Variants in MICU2 observed in about 807,000 individuals in gnomAD.
MICU2 encodes calcium uptake protein 2, mitochondrial.
A neutral mutation model predicts 60.4 loss-of-function variants in MICU2; 64 were observed. That is an observed-to-expected ratio of 1.06 (90% CI 0.87 to 1.31). The LOEUF (loss-of-function observed/expected upper bound fraction) is 1.31, where lower values mean the gene tolerates loss of function less well. Ranked by LOEUF, MICU2 falls within the 50% of genes most tolerant of loss-of-function variation. MICU2 has a pLI of 0.00. For synonymous variants in MICU2, 201 were observed against 175.0 expected (o/e 1.15, Z -1.17); for missense variants, 569 against 531.0 (o/e 1.07, Z -0.70).
Position 21,550,482 on chromosome 13 carries a change from G to A in MICU2, c.359-10794C>T, listed in dbSNP as rs1424962475. Among the ~76,000 whole-genome samples, 7 of 152,162 alleles carry A rather than the reference G, an allele frequency of 4.6e-5. No homozygotes were observed. The East Asian group carries it at 1.4e-3, about 29-fold the overall frequency. On this transcript the variant is annotated intron_variant, in intron 2 of 11. Transcript: ENST00000382374. ...GAACCCAGGAGGTTGAGGCTGCAGG[G>A]AGCTATGATCGCACCACTGCACCCC... is the stretch of plus-strand genomic sequence containing the variant.
intron 7 of MICU2, among the ~76,000 whole-genome samples, chr13:21,511,310 G>A (rs1886422581): frequency 1.3e-5 from 2 of 152,138 alleles, no homozygotes; most frequent in South Asian, 4.1e-4. Context: ...AGCAGAGAGG[G>A]TCTGGATAGA....
At position 21,577,514 on chromosome 13, in the gene MICU2, T is replaced by A. The variant is rs1323719634; in HGVS notation, c.211-10570A>T. ...TACAAAAATTTAACAAATAAAAAAATTACCCAGATGAGGCTGGGCGTGGTG... is the reference window on the plus strand; with the variant it reads ...TACAAAAATTTAACAAATAAAAAAAATACCCAGATGAGGCTGGGCGTGGTG... On this transcript the variant is annotated intron_variant, in intron 1 of 11. Coordinates refer to ENST00000382374, the MANE Select transcript of MICU2 (RefSeq NM_152726.3). Among the ~76,000 whole-genome samples, 3 of 151,562 alleles carry A rather than the reference T, an allele frequency of 2.0e-5. No homozygotes were observed. In the East Asian group the frequency reaches 5.8e-4, roughly 29 times the overall value.
chr13:21,586,512 A>C (rs1020793723), intron 1 of MICU2, among the ~76,000 whole-genome samples: 2 of 151,988 alleles, frequency 1.3e-5, no homozygotes, highest in Non-Finnish European at 2.9e-5. Flanking sequence ...GGCTCAAGAG[A>C]TCCTTCCACG....
intron 1 of MICU2, among the ~76,000 whole-genome samples, chr13:21,579,481 C>T (rs1888298010): frequency 6.6e-6 from 1 of 151,984 alleles, no homozygotes; most frequent in African/African-American, 2.4e-5. Context: ...GCTGGGATTA[C>T]AGGCTCCCGC....
At chr13:21,568,692 C>A (rs965136072) in intron 1 of MICU2, among the ~76,000 whole-genome samples, 7 of 152,116 alleles carry the variant, frequency 4.6e-5, no homozygotes, top group Non-Finnish European at 1.0e-4. Context: ...CAAGATAGGC[C>A]ATTAACTCTA....
intron 1 of MICU2, among the ~76,000 whole-genome samples, chr13:21,573,972 C>A (rs1888170545): frequency 6.6e-6 from 1 of 152,162 alleles, no homozygotes; most frequent in Non-Finnish European, 1.5e-5. Flanking sequence ...TTAATCTTAA[C>A]CTTCATTTGA....
At chr13:21,495,407 C>T in intron 10 of MICU2, 89 bp from the exon 11 acceptor site, 1 of 1,281,404 alleles carries the variant, frequency 7.8e-7, no homozygotes, top group Non-Finnish European at 1.0e-6. Flanking sequence ...GAAGTAAAAG[C>T]AAATCCAAAT....
chr13:21,537,212 C>T (rs1245731195), intron 4 of MICU2, among the ~76,000 whole-genome samples: 1 of 152,160 alleles, frequency 6.6e-6, no homozygotes, highest in African/African-American at 2.4e-5. Context: ...ACCTCTCTTG[C>T]TCCTAACACT....
chr13:21,539,469 C>CT (rs1441666293), intron 3 of MICU2, 92 bp from the exon 4 acceptor site: 4 of 1,369,406 alleles, frequency 2.9e-6, no homozygotes, highest in Middle Eastern at 2.0e-4. Flanking sequence ...CGGCTAATTT[C>CT]TTTTTGTATT....
chr13:21,601,913 G>A (rs1888825692), intron 1 of MICU2, among the ~76,000 whole-genome samples: 1 of 151,730 alleles, frequency 6.6e-6, no homozygotes, highest in South Asian at 2.1e-4. Flanking sequence ...AGACCATCCT[G>A]GCCAACATGG....
chr13:21,585,465 A>G (rs1257696946), intron 1 of MICU2, among the ~76,000 whole-genome samples: 8 of 152,216 alleles, frequency 5.3e-5, no homozygotes, highest in African/African-American at 1.7e-4. Context: ...CACTGCACAC[A>G]AATATACTAG....
chr13:21,553,340 G>C (rs1475447637), intron 2 of MICU2, among the ~76,000 whole-genome samples: 1 of 152,062 alleles, frequency 6.6e-6, no homozygotes, highest in East Asian at 1.9e-4. Context: ...GAGACGATGG[G>C]GTTTTCCAGA....
intron 1 of MICU2, among the ~76,000 whole-genome samples, chr13:21,602,481 C>T (rs1158200408): frequency 6.6e-6 from 1 of 151,988 alleles, no homozygotes; most frequent in Non-Finnish European, 1.5e-5. Context: ...GAGATAGCGC[C>T]ACTGCAGTCC....
At position 21,547,506 on chromosome 13, in the gene MICU2, G is replaced by A. The variant is rs192184250; in HGVS notation, c.359-7818C>T. 7.8e-4 allele frequency among the ~76,000 whole-genome samples: 119 copies of A among 152,152 alleles called. 1 individual carries two copies. Among genetic ancestry groups the A allele is most frequent in the South Asian group, 1.9e-3 (9 of 4,822 alleles). ...ACACTATATCATGAATTCTATTAATGTAATAATAGTATGTTTTATTCACCA... is the reference window on the plus strand; with the variant it reads ...ACACTATATCATGAATTCTATTAATATAATAATAGTATGTTTTATTCACCA... On this transcript the variant is annotated intron_variant, in intron 2 of 11. Coordinates refer to ENST00000382374, the MANE Select transcript of MICU2 (RefSeq NM_152726.3).
chr13:21,558,250 C>T (rs1047296949), intron 2 of MICU2, among the ~76,000 whole-genome samples: 7 of 152,240 alleles, frequency 4.6e-5, no homozygotes, highest in African/African-American at 1.4e-4. Flanking sequence ...CCTTCAGTCA[C>T]CCTGGGATGA....
At chr13:21,603,898 A>C in intron 1 of MICU2, 41 bp downstream of exon 1, 31 of 1,599,662 alleles carry the variant, frequency 1.9e-5, no homozygotes, top group Non-Finnish European at 2.2e-5. Flanking sequence ...CAGGGGAGGG[A>C]GGAGCTTGAC....
intron 4 of MICU2, chr13:21,530,906 T>G (rs1272471170): frequency 4.0e-5 from 30 of 758,432 alleles, no homozygotes; most frequent in Admixed American, 1.0e-4. Flanking sequence ...TGGGCTGATA[T>G]AGATCTAGTG....
chr13:21,494,089 G>A (rs751698366), intron 11 of MICU2, among the ~76,000 whole-genome samples: 3 of 152,122 alleles, frequency 2.0e-5, no homozygotes, highest in Admixed American at 2.0e-4. Context: ...ACTCAATTGT[G>A]AACTGAAAAG....
chr13:21,573,421 C>T (rs1473143071), intron 1 of MICU2, among the ~76,000 whole-genome samples: 10 of 152,196 alleles, frequency 6.6e-5, no homozygotes, highest in South Asian at 2.1e-4. Flanking sequence ...TACAGGCGCC[C>T]GCCACCATGC....
Sources: allele counts gnomAD v4.1 joint callset (sites outside exome capture counted in the v4.1 genomes callset), GRCh38; gene constraint gnomAD v4.1.1; transcripts MANE v1.5; gene names NCBI Gene and HGNC (gene_info 2026-07-23, HGNC 2026-07-21).